The following OSBPL5 variants were observed in gnomAD, a reference collection of about 807,000 sequenced individuals.
The protein encoded by OSBPL5 is oxysterol binding protein like 5.
A neutral mutation model predicts 111.2 loss-of-function variants in OSBPL5; 71 were observed. The ratio of observed to expected loss-of-function variants is 0.64; its 90% confidence interval spans 0.53 to 0.78. The LOEUF is 0.78. OSBPL5 is among the 30% of genes least tolerant of loss of function. The pLI is 0.00. For synonymous variants in OSBPL5, 549 were observed against 513.9 expected (o/e 1.07, Z -0.93); for missense variants, 1,210 against 1,189.3 (o/e 1.02, Z -0.26).
intron 2 of OSBPL5, among the ~76,000 whole-genome samples, chr11:3,128,071 G>A (rs957955882): frequency 3.3e-5 from 5 of 152,210 alleles, no homozygotes; most frequent in East Asian, 1.9e-4. Flanking sequence ...TTACCTTGCC[G>A]GGTGTCGAGT....
At chr11:3,156,646 T>C (rs1295536159) in intron 1 of OSBPL5, among the ~76,000 whole-genome samples, 3 of 152,012 alleles carry the variant, frequency 2.0e-5, no homozygotes, top group Non-Finnish European at 4.4e-5. Flanking sequence ...GACGCTGGGG[T>C]TGGTTCTGTT....
chr11:3,127,990 CCT>C (rs912127150), intron 2 of OSBPL5, among the ~76,000 whole-genome samples: 5 of 152,242 alleles, frequency 3.3e-5, no homozygotes, highest in Admixed American at 2.6e-4. Context: ...CCTCCCCACC[CCT>C]GACTCTGCAA....
chr11:3,124,017 C>T (rs1169756849), intron 3 of OSBPL5, among the ~76,000 whole-genome samples: 3 of 152,296 alleles, frequency 2.0e-5, no homozygotes, highest in Admixed American at 1.3e-4. Context: ...AGACCAGCCA[C>T]CAGCACGCAG....
chr11:3,132,394 T>C (rs1000804034), intron 1 of OSBPL5, among the ~76,000 whole-genome samples: 6 of 152,086 alleles, frequency 3.9e-5, no homozygotes, highest in Non-Finnish European at 8.8e-5. Flanking sequence ...TCCCTTGGAC[T>C]TCCTGATGCC....
intron 11 of OSBPL5, among the ~76,000 whole-genome samples, chr11:3,102,760 G>A (rs1354650906): frequency 3.3e-5 from 5 of 152,178 alleles, no homozygotes; most frequent in Non-Finnish European, 5.9e-5. Flanking sequence ...CCAGGGCTCT[G>A]TGGTGGGGTC....
Position 3,092,014 on chromosome 11 carries a change from TCCCTGGAGCCTCCTGCTGTCCC to T in OSBPL5, c.2259+396_2259+417del. ...ACCCAAGGCAGCTTCCTCAGGTTAC[TCCCTGGAGCCTCCTGCTGTCCC>T]GCTTCCCCTTTCCAGACACAAGATC... On this transcript the variant is annotated intron_variant, in intron 19 of 21. Transcript: ENST00000263650. The surrounding 1 kb of genome is among the most constrained non-coding windows in gnomAD (Gnocchi z 5.4). Among the ~76,000 whole-genome samples, 1 of 152,186 alleles carries T rather than the reference TCCCTGGAGCCTCCTGCTGTCCC, an allele frequency of 6.6e-6. No individual in the cohort carries two copies. Among genetic ancestry groups the T allele is most frequent in the Non-Finnish European group, 1.5e-5 (1 of 68,020 alleles).
At chr11:3,112,003 G>GTATGTGTGCGCGCATGTGTGTA (rs772610919) in intron 7 of OSBPL5, among the ~76,000 whole-genome samples, 2 of 142,322 alleles carry the variant, frequency 1.4e-5, no homozygotes, top group Non-Finnish European at 3.1e-5. Flanking sequence ...GCATGTGTGT[G>GTATGTGTGCGCGCATGTGTGTA]TGTGTGCGCG....
chr11:3,093,991 A>C (rs1857159195), intron 15 of OSBPL5, among the ~76,000 whole-genome samples, 156 bp from the exon 16 acceptor site: 4 of 151,974 alleles, frequency 2.6e-5, no homozygotes, highest in Admixed American at 2.6e-4. Flanking sequence ...CGGGACCCCC[A>C]CGCCTCCGCT....
intron 1 of OSBPL5, among the ~76,000 whole-genome samples, chr11:3,149,555 C>G (rs1231683724): frequency 6.6e-6 from 1 of 152,218 alleles, no homozygotes; most frequent in Admixed American, 6.5e-5. Context: ...GCCGTGGGGA[C>G]AGTTTATGCG....
intron 14 of OSBPL5, among the ~76,000 whole-genome samples, chr11:3,096,402 T>C (rs1485944851): frequency 2.0e-5 from 3 of 152,114 alleles, no homozygotes; most frequent in Non-Finnish European, 4.4e-5. Flanking sequence ...GCTGATCACC[T>C]GAGGGCAGGA....
At chr11:3,090,267 G>A (rs1008355601) in intron 20 of OSBPL5, among the ~76,000 whole-genome samples, 11 of 152,222 alleles carry the variant, frequency 7.2e-5, no homozygotes, top group African/African-American at 2.4e-4. Context: ...GGAGCAGAGG[G>A]CTGGGGCAGG....
At chr11:3,099,096 G>A (rs557924238) in intron 14 of OSBPL5, among the ~76,000 whole-genome samples, 44 of 152,302 alleles carry the variant, frequency 2.9e-4, no homozygotes, top group African/African-American at 1.1e-3. Flanking sequence ...GAGCCATCAT[G>A]CCTAGTGGAG....
At chr11:3,149,749 C>G (rs924327859) in intron 1 of OSBPL5, among the ~76,000 whole-genome samples, 15 of 152,236 alleles carry the variant, frequency 9.9e-5, no homozygotes, top group African/African-American at 3.6e-4. Flanking sequence ...AACGACCCCC[C>G]CGTCACTGAC....
chr11:3,161,799 G>C lies in OSBPL5; in HGVS notation c.-22+3417C>G, dbSNP rs778840562. 6.6e-6 allele frequency among the ~76,000 whole-genome samples: 1 copy of C among 152,202 alleles called. No homozygotes were observed. On this transcript the variant is annotated intron_variant, in intron 1 of 21. Transcript: ENST00000263650. This position sits in a 1 kb window ranked among gnomAD's most constrained non-coding sequence, Gnocchi z 8.0. ...TGAGAGCTGCTTTGGAATGGGTAAC[G>C]GGCCAGGAACAGAGACTCTCTCAGA...
intron 1 of OSBPL5, among the ~76,000 whole-genome samples, chr11:3,129,545 C>T (rs908496708): frequency 3.3e-5 from 5 of 152,296 alleles, no homozygotes; most frequent in African/African-American, 9.6e-5. Flanking sequence ...TTCCCTCCCA[C>T]GTGACAGCAC....
chr11:3,156,967 C>T (rs1267526106), intron 1 of OSBPL5, among the ~76,000 whole-genome samples: 1 of 152,244 alleles, frequency 6.6e-6, no homozygotes, highest in Non-Finnish European at 1.5e-5. Flanking sequence ...CCGCTAAGCC[C>T]ATGCTCCAAG....
At chr11:3,133,438 C>A (rs1845865838) in intron 1 of OSBPL5, among the ~76,000 whole-genome samples, 1 of 152,252 alleles carries the variant, frequency 6.6e-6, no homozygotes, top group African/African-American at 2.4e-5. Context: ...TGCGGGGAAG[C>A]CCCGGGCCAC....
intron 1 of OSBPL5, among the ~76,000 whole-genome samples, chr11:3,150,027 CAG>C (rs1478019448): frequency 6.6e-6 from 1 of 152,218 alleles, no homozygotes; most frequent in East Asian, 1.9e-4. Flanking sequence ...CATAAGCAGA[CAG>C]ATGTGCATGC....
rs986152335 is a variant in OSBPL5, at chr11:3,092,036, C to G, written c.2259+396G>C. Among the ~76,000 whole-genome samples the G allele has an allele frequency of 6.6e-6, 1 of 152,156 alleles. No homozygotes were observed. The highest frequency in any genetic ancestry group is 1.9e-4 in the East Asian group (1 of 5,182). The stretch of plus-strand genomic sequence containing the variant: ...TACTCCCTGGAGCCTCCTGCTGTCC[C>G]GCTTCCCCTTTCCAGACACAAGATC... On this transcript the variant is annotated intron_variant, in intron 19 of 21. Coordinates refer to ENST00000263650, the MANE Select transcript of OSBPL5 (RefSeq NM_020896.4). This position sits in a 1 kb window ranked among gnomAD's most constrained non-coding sequence, Gnocchi z 5.4.
Sources: allele counts gnomAD v4.1 joint callset (sites outside exome capture counted in the v4.1 genomes callset), GRCh38; gene constraint gnomAD v4.1.1; non-coding constraint Gnocchi (gnomAD v3.1); transcripts MANE v1.5; gene names NCBI Gene and HGNC (gene_info 2026-07-23, HGNC 2026-07-21).